SULF2: variants seen among roughly 807,000 people sequenced by gnomAD.
SULF2 encodes sulfatase 2, also known as extracellular sulfatase Sulf-2.
A neutral mutation model predicts 107.7 loss-of-function variants in SULF2; 52 were observed. The observed-to-expected ratio is 0.48, with a 90% CI of 0.39 to 0.61. The LOEUF (loss-of-function observed/expected upper bound fraction) is 0.61. SULF2 is among the 20% of genes least tolerant of loss of function. SULF2 has a pLI of 0.00. For synonymous variants in SULF2, 460 were observed against 464.3 expected (o/e 0.99, Z 0.12); for missense variants, 993 against 1,177.3 (o/e 0.84, Z 2.29).
intron 6 of SULF2, among the ~76,000 whole-genome samples, chr20:47,683,556 G>A (rs1475777602): frequency 6.6e-6 from 1 of 150,466 alleles, no homozygotes; most frequent in Non-Finnish European, 1.5e-5. Flanking sequence ...AACTTGGGCT[G>A]CAGCCTATGG....
chr20:47,718,865 C>A (rs191846931), intron 3 of SULF2, among the ~76,000 whole-genome samples: 2 of 152,096 alleles, frequency 1.3e-5, no homozygotes, highest in African/African-American at 2.4e-5. Flanking sequence ...AGAAAAGCTA[C>A]GGAATTACAA....
At chr20:47,684,668 C>T in intron 5 of SULF2, 87 bp from the exon 6 acceptor site, 1 of 1,405,102 alleles carries the variant, frequency 7.1e-7, no homozygotes, top group Non-Finnish European at 9.7e-7. Context: ...GGATGAGCAG[C>T]CACCCTGTGC....
At chr20:47,757,906 C>T (rs1309776733) in intron 1 of SULF2, among the ~76,000 whole-genome samples, 1 of 152,174 alleles carries the variant, frequency 6.6e-6, no homozygotes, top group Non-Finnish European at 1.5e-5. Flanking sequence ...GAAGTTCCAG[C>T]TCCCCAGCAG....
At chr20:47,749,501 A>T (rs2090116561) in intron 2 of SULF2, among the ~76,000 whole-genome samples, 1 of 152,202 alleles carries the variant, frequency 6.6e-6, no homozygotes, top group African/African-American at 2.4e-5. Flanking sequence ...AGGAGGTGGG[A>T]TCTCAGAGAG....
chr20:47,785,812 C>T (rs1182455976), upstream of SULF2: 1 of 150,982 alleles, frequency 6.6e-6, no homozygotes, highest in African/African-American at 2.4e-5. Flanking sequence ...CTCCTCGAGC[C>T]CTCCGCGCGC....
At chr20:47,669,602 C>G (rs2087395744) in intron 11 of SULF2, among the ~76,000 whole-genome samples, 1 of 151,230 alleles carries the variant, frequency 6.6e-6, no homozygotes, top group Non-Finnish European at 1.5e-5. Flanking sequence ...GAGACTCTAG[C>G]AGGGGGAAGA....
Position 47,716,806 on chromosome 20 carries a change from C to T in SULF2, c.416-14136G>A, listed in dbSNP as rs191666943. Among the ~76,000 whole-genome samples the T allele has an allele frequency of 1.5e-3, 230 of 151,906 alleles. 1 individual carries two copies. The highest frequency in any genetic ancestry group is 0.01 in the Middle Eastern group (3 of 294). ...AAGCAAAAAGTTTGAGACCAGCCTG[C>T]GTGACAAAGTGAGACCTCATCTCTA... On this transcript the variant is annotated intron_variant, in intron 3 of 20. Transcript: ENST00000688720.
chr20:47,679,235 C>T (rs1415616882), intron 7 of SULF2, among the ~76,000 whole-genome samples: 1 of 152,120 alleles, frequency 6.6e-6, no homozygotes, highest in Non-Finnish European at 1.5e-5. Context: ...TCTTTACCAT[C>T]CTCTCTGCCT....
chr20:47,728,359 C>T (rs570471942), intron 3 of SULF2, among the ~76,000 whole-genome samples: 8 of 152,172 alleles, frequency 5.3e-5, no homozygotes, highest in African/African-American at 1.4e-4. Flanking sequence ...GACGGCATCC[C>T]GGGAATAATT....
At chr20:47,668,327 C>T (rs1243728626) in intron 11 of SULF2, among the ~76,000 whole-genome samples, 4 of 152,240 alleles carry the variant, frequency 2.6e-5, no homozygotes, top group Admixed American at 6.5e-5. Context: ...TATACCTCTG[C>T]AGTCGCAGGG....
At chr20:47,676,262 C>T (rs1374253307) in intron 10 of SULF2, among the ~76,000 whole-genome samples, 2 of 152,198 alleles carry the variant, frequency 1.3e-5, no homozygotes, top group Admixed American at 6.5e-5. Flanking sequence ...CACACACCCA[C>T]GGGACACTTG....
At chr20:47,685,927 T>G (rs1171906360) in intron 5 of SULF2, 2 of 152,256 alleles carry the variant, frequency 1.3e-5, no homozygotes, top group African/African-American at 2.4e-5. Flanking sequence ...ATGGCAGTGG[T>G]TGACTATACC....
rs541087408 is a variant in SULF2 at position 47,781,744 on chromosome 20, T to C, written c.-101+3599A>G. On this transcript the variant is annotated intron_variant, in intron 1 of 20. Transcript: ENST00000688720. ...CAGGTGCTATGATCATCATCATTTG[T>C]TGGATGTGAACATCAAGGCACAGAA... 6.6e-5 allele frequency among the ~76,000 whole-genome samples: 10 copies of C among 152,228 alleles called. No homozygotes were observed. The South Asian group carries it at 2.1e-3, about 32-fold the overall frequency.
intron 3 of SULF2, among the ~76,000 whole-genome samples, chr20:47,732,903 G>T (rs2089647141): frequency 6.6e-6 from 1 of 151,972 alleles, no homozygotes; most frequent in Non-Finnish European, 1.5e-5. Context: ...TCCTTCCAAG[G>T]GTATTCATAT....
chr20:47,739,465 C>T (rs917963434), intron 2 of SULF2, among the ~76,000 whole-genome samples: 6 of 152,288 alleles, frequency 3.9e-5, no homozygotes, highest in Non-Finnish European at 7.4e-5. Flanking sequence ...CTGCCTCAGC[C>T]GTACCCCCAG....
intron 4 of SULF2, among the ~76,000 whole-genome samples, chr20:47,693,286 C>T (rs772192417): frequency 1.6e-4 from 24 of 152,042 alleles, no homozygotes; most frequent in Non-Finnish European, 3.5e-4. Flanking sequence ...CAGTCAGGGC[C>T]TGAAGGGGTC....
At chr20:47,764,050 T>C (rs79563476) in intron 1 of SULF2, among the ~76,000 whole-genome samples, 6,993 of 152,284 alleles carry the variant, frequency 0.046, 411 homozygotes, top group African/African-American at 0.13. Flanking sequence ...TTGCACATGC[T>C]AGCACAGCCC....
In SULF2 at chr20:47,658,268, C is replaced by G. The variant is rs444271; in HGVS notation, c.*94G>C. 1,241,599 of 1,384,818 alleles carry G rather than the reference C, an allele frequency of 0.9. 557,361 individuals carry two copies. The highest frequency in any genetic ancestry group is 0.98 in the African/African-American group (69,045 of 70,522). The allele number at this position is 1,384,818 out of a possible 1,614,324, so 85.8% of individuals were successfully genotyped here. A position where few individuals can be genotyped will look rare whatever the true frequency, so the allele number is the denominator to read the frequency against. On this transcript the variant is annotated 3_prime_UTR_variant, in exon 21 of 21. Transcript: ENST00000688720. Reference sequence around the variant, plus strand: ...GCTTTCTCAGGCCTCCTGGCCAATACCACAGGTCTGCTGGAAATCACCCAC... The same window carrying G: ...GCTTTCTCAGGCCTCCTGGCCAATAGCACAGGTCTGCTGGAAATCACCCAC...
intron 2 of SULF2, among the ~76,000 whole-genome samples, chr20:47,744,335 A>T (rs889940535): frequency 6.6e-6 from 1 of 152,066 alleles, no homozygotes; most frequent in African/African-American, 2.4e-5. Context: ...GGCAAGTACC[A>T]CCATGCCCAG....
Sources: allele counts gnomAD v4.1 joint callset (sites outside exome capture counted in the v4.1 genomes callset), GRCh38; gene constraint gnomAD v4.1.1; transcripts MANE v1.5; gene names NCBI Gene and HGNC (gene_info 2026-07-23, HGNC 2026-07-21).